The following SHANK2 variants were observed in gnomAD, a reference collection of about 807,000 sequenced individuals.
SHANK2 encodes SH3 and multiple ankyrin repeat domains protein 2.
A neutral mutation model predicts 133.7 loss-of-function variants in SHANK2; 43 were observed. The observed-to-expected ratio is 0.32, with a 90% CI of 0.25 to 0.41. The LOEUF (loss-of-function observed/expected upper bound fraction) is 0.41. SHANK2 is among the 10% of genes least tolerant of loss of function. The pLI, the probability that SHANK2 is intolerant of heterozygous loss-of-function variation, is 1.00. For missense variants in SHANK2, 1,994 were observed against 2,235.8 expected (o/e 0.89, Z 2.18); for synonymous variants, 1,017 against 952.8 (o/e 1.07, Z -1.24).
chr11:70,928,674 A>G (rs1555082026), intron 10 of SHANK2, among the ~76,000 whole-genome samples: 1 of 152,050 alleles, frequency 6.6e-6, no homozygotes, highest in Non-Finnish European at 1.5e-5. Flanking sequence ...CAGCCCCTCC[A>G]ATGGGATCCA....
At chr11:70,683,706 C>G (rs782344145) in intron 15 of SHANK2, among the ~76,000 whole-genome samples, 1 of 152,138 alleles carries the variant, frequency 6.6e-6, no homozygotes. Context: ...AGCAGGCATT[C>G]CTTGTCTTGG....
intron 2 of SHANK2, among the ~76,000 whole-genome samples, chr11:71,199,611 G>A (rs542628160): frequency 1.8e-4 from 27 of 152,326 alleles, no homozygotes; most frequent in Admixed American, 1.0e-3. Context: ...CTGCAGCCTC[G>A]AAGGGAGCAT....
intron 17 of SHANK2, among the ~76,000 whole-genome samples, chr11:70,601,430 G>C (rs1554991063): frequency 6.6e-6 from 1 of 152,100 alleles, no homozygotes; most frequent in African/African-American, 2.4e-5. Flanking sequence ...ATGTTGGCCA[G>C]GATGGTCTTA....
chr11:71,164,477 C>T (rs1590976507), intron 2 of SHANK2, among the ~76,000 whole-genome samples: 2 of 152,290 alleles, frequency 1.3e-5, no homozygotes, highest in East Asian at 1.9e-4. Flanking sequence ...CAGTGAGGGG[C>T]TGACCGCAGG....
intron 11 of SHANK2, among the ~76,000 whole-genome samples, chr11:70,858,252 T>C (rs903484956): frequency 9.9e-5 from 15 of 152,240 alleles, no homozygotes; most frequent in Admixed American, 9.8e-4. Context: ...GCCATGTTCA[T>C]ATAAAATAAC....
At chr11:71,067,878 CCAT>C (rs1446975011) in intron 9 of SHANK2, among the ~76,000 whole-genome samples, 17 of 151,848 alleles carry the variant, frequency 1.1e-4, no homozygotes, top group African/African-American at 3.6e-4. Context: ...ACCATCACCA[CCAT>C]CATCACCACC....
rs782210973 is a variant in SHANK2, at chr11:71,109,952, G to T, written c.581C>A (p.Pro194Gln). Reference protein sequence around the residue: ...DRGLDPNFHDPETGETPLTLA... With the variant: ...DRGLDPNFHDQETGETPLTLA... ...TAGCAAGTGCTCACCTCCGGTCTCC[G>T]GGTCGTGGAAATTGGGATCCAGGCC... Residue 194 changes from proline to glutamine, a missense_variant, in exon 6 of 26, where the codon CCG (proline) becomes CAG (glutamine). Pro to Gln is a moderately conservative substitution (Grantham distance 76, BLOSUM62 -1). Coordinates refer to ENST00000601538, the MANE Select transcript of SHANK2 (RefSeq NM_012309.5). The T allele has an allele frequency of 1.9e-6, 3 of 1,550,694 alleles. No individual in the cohort carries two copies. Among genetic ancestry groups the T allele is most frequent in the Non-Finnish European group, 2.6e-6 (3 of 1,146,178 alleles).
At chr11:71,090,207 C>T in intron 8 of SHANK2, among the ~76,000 whole-genome samples, 1 of 76,470 alleles carries the variant, frequency 1.3e-5, no homozygotes, top group Non-Finnish European at 2.4e-5. Flanking sequence ...TGTATGTGTC[C>T]TGCTGCTTCT....
intron 17 of SHANK2, among the ~76,000 whole-genome samples, chr11:70,658,996 T>C (rs369048509): frequency 4.6e-5 from 7 of 152,318 alleles, no homozygotes; most frequent in African/African-American, 1.7e-4. Flanking sequence ...TAAAATATCA[T>C]CTTTTTCAAC....
At chr11:70,676,979 A>AACACTGACTT (rs1431108253) in intron 15 of SHANK2, among the ~76,000 whole-genome samples, 1 of 152,228 alleles carries the variant, frequency 6.6e-6, no homozygotes, top group Non-Finnish European at 1.5e-5. Flanking sequence ...CACTAACCAC[A>AACACTGACTT]ACACTGACTT....
chr11:71,089,267 G>A (rs917599042), intron 8 of SHANK2, among the ~76,000 whole-genome samples: 9 of 152,140 alleles, frequency 5.9e-5, no homozygotes, highest in African/African-American at 1.7e-4. Context: ...CCAGCACAGA[G>A]CTGACAGCCA....
chr11:70,852,909 G>A (rs1003313125), intron 11 of SHANK2, among the ~76,000 whole-genome samples: 8 of 152,240 alleles, frequency 5.3e-5, no homozygotes, highest in Non-Finnish European at 8.8e-5. Flanking sequence ...GGCCAGGGGA[G>A]GGGTTGCCTT....
intron 14 of SHANK2, among the ~76,000 whole-genome samples, chr11:70,758,692 G>GA (rs1946924964): frequency 6.6e-6 from 1 of 152,230 alleles, no homozygotes. Context: ...AGGCTCTGAG[G>GA]AAGAATCTGC....
At chr11:70,543,656 G>A (rs575669678) in intron 17 of SHANK2, among the ~76,000 whole-genome samples, 6 of 152,270 alleles carry the variant, frequency 3.9e-5, no homozygotes, top group Admixed American at 1.3e-4. Flanking sequence ...ATAAGAAACC[G>A]GCAAACGTAT....
intron 15 of SHANK2, among the ~76,000 whole-genome samples, chr11:70,696,134 G>C (rs1460584470): frequency 6.6e-6 from 1 of 152,198 alleles, no homozygotes; most frequent in African/African-American, 2.4e-5. Flanking sequence ...ATTCTGGCAA[G>C]AGAATCCTCA....
chr11:70,765,399 G>T (rs1237974805), intron 14 of SHANK2, among the ~76,000 whole-genome samples: 1 of 152,218 alleles, frequency 6.6e-6, no homozygotes, highest in African/African-American at 2.4e-5. Context: ...TAAAACAGCA[G>T]AATGCTAGCC....
chr11:71,066,116 C>T (rs1951055931), intron 9 of SHANK2, among the ~76,000 whole-genome samples: 1 of 126,256 alleles, frequency 7.9e-6, no homozygotes, highest in African/African-American at 3.1e-5. Flanking sequence ...AGAACTCTCC[C>T]AGGGAGATGA....
chr11:70,575,418 C>T (rs1591599962), intron 17 of SHANK2, among the ~76,000 whole-genome samples: 1 of 150,888 alleles, frequency 6.6e-6, no homozygotes, highest in African/African-American at 2.4e-5. Context: ...ACTCAGGAGG[C>T]TGAGTCAGGA....
chr11:70,823,331 G>C (rs1370149495), intron 11 of SHANK2, among the ~76,000 whole-genome samples: 2 of 145,314 alleles, frequency 1.4e-5, no homozygotes, highest in Non-Finnish European at 3.0e-5. Context: ...GAGTTAATGG[G>C]GGACAGAGGT....
Sources: allele counts gnomAD v4.1 joint callset (sites outside exome capture counted in the v4.1 genomes callset), GRCh38; gene constraint gnomAD v4.1.1; transcripts MANE v1.5; gene names NCBI Gene and HGNC (gene_info 2026-07-23, HGNC 2026-07-21).